The following NELL1 variants were observed in gnomAD, a reference collection of about 807,000 sequenced individuals.
The protein encoded by NELL1 is neural EGFL like 1.
In NELL1, 76 loss-of-function variants were observed where a neutral mutation model predicts 107.4. The observed-to-expected ratio is 0.71, with a 90% CI of 0.59 to 0.86. The LOEUF (loss-of-function observed/expected upper bound fraction) is 0.86. Ranked by LOEUF, NELL1 falls within the 40% of genes least tolerant of loss-of-function variation. NELL1 has a pLI of 0.00. For missense variants in NELL1, 1,024 were observed against 1,005.5 expected (o/e 1.02, Z -0.25); for synonymous variants, 353 against 341.2 (o/e 1.03, Z -0.38).
chr11:21,345,945 C>A (rs1444745080), intron 14 of NELL1, among the ~76,000 whole-genome samples: 1 of 152,176 alleles, frequency 6.6e-6, no homozygotes, highest in Admixed American at 6.5e-5. Flanking sequence ...TTTTTCTTAG[C>A]ACTTTAGATT....
At chr11:21,480,833 T>G (rs1854474640) in intron 15 of NELL1, among the ~76,000 whole-genome samples, 1 of 152,214 alleles carries the variant, frequency 6.6e-6, no homozygotes. Context: ...GTGCTCAATA[T>G]GTCCCTAATA....
intron 2 of NELL1, among the ~76,000 whole-genome samples, chr11:20,728,287 C>T (rs1450192989): frequency 4.6e-5 from 7 of 152,064 alleles, no homozygotes; most frequent in Admixed American, 4.6e-4. Context: ...GTTTCTTTTG[C>T]TGTGCAGAAG....
chr11:21,136,363 G>T (rs1269090815), intron 13 of NELL1, among the ~76,000 whole-genome samples: 1 of 152,124 alleles, frequency 6.6e-6, no homozygotes, highest in Non-Finnish European at 1.5e-5. Flanking sequence ...ATGGTAAGGG[G>T]TTTAGATATA....
intron 14 of NELL1, among the ~76,000 whole-genome samples, chr11:21,342,519 C>T (rs1177062916): frequency 6.6e-6 from 1 of 151,664 alleles, no homozygotes; most frequent in Non-Finnish European, 1.5e-5. Context: ...TGGCATGTGC[C>T]TGTAGTTACA....
chr11:21,104,926 A>G (rs1854911879), intron 12 of NELL1, among the ~76,000 whole-genome samples: 1 of 152,102 alleles, frequency 6.6e-6, no homozygotes, highest in African/African-American at 2.4e-5. Flanking sequence ...AGAGCACTAT[A>G]TGTCTGTTCT....
intron 2 of NELL1, among the ~76,000 whole-genome samples, chr11:20,696,695 A>G (rs1337341823): frequency 6.6e-6 from 1 of 152,128 alleles, no homozygotes; most frequent in African/African-American, 2.4e-5. Context: ...TCTACATCTT[A>G]CCATTTATTT....
At chr11:21,085,537 C>G (rs143938303) in intron 12 of NELL1, among the ~76,000 whole-genome samples, 1,949 of 152,018 alleles carry the variant, frequency 0.013, 39 homozygotes, top group African/African-American at 0.045. Flanking sequence ...TCAGAAGGCT[C>G]AGGTAGGAAG....
chr11:21,534,078 G>C (rs112259790), intron 15 of NELL1, among the ~76,000 whole-genome samples: 5 of 152,212 alleles, frequency 3.3e-5, no homozygotes, highest in African/African-American at 1.2e-4. Flanking sequence ...TACCAAAACT[G>C]TGCCAAACAC....
At chr11:21,165,534 A>G (rs541779107) in intron 13 of NELL1, among the ~76,000 whole-genome samples, 103 of 152,240 alleles carry the variant, frequency 6.8e-4, no homozygotes, top group African/African-American at 1.9e-3. Context: ...AAAACTAAAA[A>G]CAGAGTTACT....
chr11:21,137,835 T>C (rs1279509432), intron 13 of NELL1, among the ~76,000 whole-genome samples: 1 of 152,188 alleles, frequency 6.6e-6, no homozygotes, highest in Non-Finnish European at 1.5e-5. Context: ...TAAAGTTAAA[T>C]ATACTTGGAG....
intron 5 of NELL1, among the ~76,000 whole-genome samples, chr11:20,915,138 T>C (rs1021867121): frequency 1.3e-5 from 2 of 152,026 alleles, no homozygotes. Flanking sequence ...TATAATACAG[T>C]CTAGTAATTC....
chr11:21,436,001 T>G (rs1564892410), intron 15 of NELL1, among the ~76,000 whole-genome samples: 1 of 152,172 alleles, frequency 6.6e-6, no homozygotes, highest in Non-Finnish European at 1.5e-5. Flanking sequence ...CTTTTATTAC[T>G]GATTCAATCT....
At chr11:20,983,840 T>A (rs1460141380) in intron 12 of NELL1, among the ~76,000 whole-genome samples, 1 of 152,176 alleles carries the variant, frequency 6.6e-6, no homozygotes, top group African/African-American at 2.4e-5. Context: ...CAGTTTCTCA[T>A]TGCTGTAAGG....
At chr11:21,376,968 T>C (rs765552388) in intron 15 of NELL1, among the ~76,000 whole-genome samples, 25 of 152,096 alleles carry the variant, frequency 1.6e-4, no homozygotes, top group Non-Finnish European at 3.5e-4. Flanking sequence ...ACTTTCTAGA[T>C]ATAGGATTGT....
At chr11:20,866,082 A>T (rs1849089522) in intron 4 of NELL1, among the ~76,000 whole-genome samples, 1 of 152,188 alleles carries the variant, frequency 6.6e-6, no homozygotes. Context: ...AAGAAGACAA[A>T]GAGTGTACAA....
At chr11:21,059,439 C>A (rs118081785) in intron 12 of NELL1, among the ~76,000 whole-genome samples, 1,755 of 152,090 alleles carry the variant, frequency 0.012, 20 homozygotes, top group Admixed American at 0.039. Context: ...TAGCCTTCAC[C>A]CTTACTCCCC....
chr11:21,455,276 CTTTT>C (rs1307923185), intron 15 of NELL1, among the ~76,000 whole-genome samples: 2 of 132,366 alleles, frequency 1.5e-5, no homozygotes, highest in African/African-American at 5.6e-5. Flanking sequence ...CATAATGTGA[CTTTT>C]TTTTATCTGG....
intron 15 of NELL1, among the ~76,000 whole-genome samples, chr11:21,389,162 T>A (rs1265066178): frequency 1.3e-5 from 2 of 151,764 alleles, no homozygotes; most frequent in Non-Finnish European, 2.9e-5. Context: ...CTTAAATGGA[T>A]TATAGGATCT....
intron 8 of NELL1, among the ~76,000 whole-genome samples, chr11:20,927,708 G>A (rs1850530450): frequency 6.6e-6 from 1 of 152,148 alleles, no homozygotes. Context: ...TTTGAAGGTT[G>A]GGATATAGTG....
Sources: gnomAD v4.1 joint callset for allele counts (sites outside exome capture counted in the v4.1 genomes callset) on GRCh38, gnomAD v4.1.1 for gene constraint, MANE v1.5 for transcripts, NCBI Gene and HGNC (gene_info 2026-07-23, HGNC 2026-07-21) for gene names.